TAFA4: variants seen among roughly 807,000 people sequenced by gnomAD.
The protein encoded by TAFA4 is chemokine-like protein TAFA-4.
TAFA4 carries 20 observed loss-of-function variants against 21.1 expected under a neutral mutation model. That is an observed-to-expected ratio of 0.95 (90% confidence interval 0.67 to 1.38). The LOEUF (loss-of-function observed/expected upper bound fraction) is 1.38. Ranked by LOEUF, TAFA4 falls within the 40% of genes most tolerant of loss-of-function variation. TAFA4 has a pLI of 0.00. For missense variants in TAFA4, 211 were observed against 180.9 expected, an observed-to-expected ratio of 1.17 and a Z score of -0.95; for synonymous variants, 71 against 67.4, an observed-to-expected ratio of 1.05 and a Z score of -0.26.
chr3:68,783,023 C>T (rs1703179794), intron 3 of TAFA4, among the ~76,000 whole-genome samples: 1 of 152,150 alleles, frequency 6.6e-6, no homozygotes, highest in Admixed American at 6.5e-5. Flanking sequence ...CAATGTAACT[C>T]ACCAATATGA....
intron 4 of TAFA4, among the ~76,000 whole-genome samples, chr3:68,744,083 A>C (rs1702407578): frequency 6.6e-6 from 1 of 152,234 alleles, no homozygotes; most frequent in Non-Finnish European, 1.5e-5. Flanking sequence ...GCTGAATTTA[A>C]AATACTTTGT....
intron 1 of TAFA4, among the ~76,000 whole-genome samples, chr3:68,930,943 G>A (rs1452537048): frequency 6.6e-6 from 1 of 152,178 alleles, no homozygotes; most frequent in African/African-American, 2.4e-5. Flanking sequence ...AGGCCTTCCT[G>A]AACTGGGCTC....
At chr3:68,812,868 A>G (rs576343676) in intron 3 of TAFA4, among the ~76,000 whole-genome samples, 2 of 151,448 alleles carry the variant, frequency 1.3e-5, no homozygotes, top group East Asian at 3.9e-4. Context: ...TCAACAGAAT[A>G]TACATTCTTT....
chr3:68,751,033 G>A lies in TAFA4; in HGVS notation c.286+1830C>T, dbSNP rs113602431. 4.9e-3 allele frequency among the ~76,000 whole-genome samples: 753 copies of A among 152,316 alleles called. 6 individuals carry two copies. Among genetic ancestry groups the A allele is most frequent in the African/African-American group, 0.017 (714 of 41,566 alleles). On this transcript the variant is annotated intron_variant, in intron 4 of 5. Coordinates refer to ENST00000295569, the MANE Select transcript of TAFA4 (RefSeq NM_182522.5). ...TCCAGGGTGTTGCAAGAACTTACAA[G>A]AGATTTGAAAGGAGAATAAGAAGAA...
intron 3 of TAFA4, among the ~76,000 whole-genome samples, chr3:68,805,885 A>G (rs1390980850): frequency 2.0e-5 from 3 of 152,178 alleles, no homozygotes; most frequent in Non-Finnish European, 4.4e-5. Flanking sequence ...CAGCATACCA[A>G]CATGGCACAT....
chr3:68,763,232 CT>C (rs1702788111), intron 3 of TAFA4, among the ~76,000 whole-genome samples: 1 of 152,110 alleles, frequency 6.6e-6, no homozygotes, highest in Non-Finnish European at 1.5e-5. Context: ...CTCTTGAATG[CT>C]TTTGTGAACA....
rs528365678 is a variant in TAFA4 at position 68,813,492 on chromosome 3, C to T, written c.131-60474G>A. Among the ~76,000 whole-genome samples the T allele has an allele frequency of 7.2e-5, 11 of 152,132 alleles. No individual in the cohort carries two copies. In the South Asian group the frequency reaches 1.2e-3, roughly 17 times the overall value. ...AAAAATGATAACAGGATACCACCAC[C>T]GATCCCACAGAAATACAAACTACCA... On this transcript the variant is annotated intron_variant, in intron 3 of 5. Transcript: ENST00000295569.
chr3:68,815,150 T>C (rs1281302183), intron 3 of TAFA4, among the ~76,000 whole-genome samples: 3 of 152,164 alleles, frequency 2.0e-5, no homozygotes, highest in East Asian at 3.8e-4. Flanking sequence ...TTACATCTTA[T>C]ATAAAAATTA....
intron 3 of TAFA4, among the ~76,000 whole-genome samples, chr3:68,853,286 T>C (rs1365184407): frequency 1.3e-5 from 2 of 152,208 alleles, no homozygotes; most frequent in Non-Finnish European, 2.9e-5. Context: ...CAAGTGTTAA[T>C]AGACATGAGT....
At chr3:68,788,867 T>C (rs545398047) in intron 3 of TAFA4, among the ~76,000 whole-genome samples, 7 of 152,224 alleles carry the variant, frequency 4.6e-5, no homozygotes, top group Non-Finnish European at 1.0e-4. Context: ...CAAGCTATCC[T>C]CCTACCCTGG....
intron 4 of TAFA4, among the ~76,000 whole-genome samples, chr3:68,744,492 T>A (rs1360800225): frequency 6.6e-6 from 1 of 152,118 alleles, no homozygotes; most frequent in Non-Finnish European, 1.5e-5. Flanking sequence ...GAAGAGCAAC[T>A]GAGGTGGGAG....
chr3:68,929,670 G>A lies in TAFA4; in HGVS notation c.-123+2570C>T, dbSNP rs13327288. On this transcript the variant is annotated intron_variant, in intron 1 of 5. Coordinates refer to ENST00000295569, the MANE Select transcript of TAFA4 (RefSeq NM_182522.5). ...AGCCAGAACACAGGGTGAAAAACTC[G>A]CAAAGAGGAAGAAAGCACAAGGGGG... Among the ~76,000 whole-genome samples, 19 of 152,280 alleles carry A rather than the reference G, an allele frequency of 1.2e-4. 1 individual carries two copies. The highest frequency in any genetic ancestry group is 3.9e-4 in the African/African-American group (16 of 41,540).
chr3:68,898,452 G>A (rs1393805257), intron 1 of TAFA4, among the ~76,000 whole-genome samples: 2 of 152,160 alleles, frequency 1.3e-5, no homozygotes, highest in African/African-American at 4.8e-5. Flanking sequence ...CAGGAGACCA[G>A]CCCGGCCAAC....
chr3:68,742,954 A>C (rs143402110), intron 4 of TAFA4, among the ~76,000 whole-genome samples: 1 of 152,314 alleles, frequency 6.6e-6, no homozygotes, highest in East Asian at 1.9e-4. Flanking sequence ...CAGTGCATTC[A>C]AACAGTTCCC....
At chr3:68,929,982 G>A (rs143430176) in intron 1 of TAFA4, among the ~76,000 whole-genome samples, 78 of 152,300 alleles carry the variant, frequency 5.1e-4, no homozygotes, top group East Asian at 4.1e-3. Flanking sequence ...AGTGAATGCA[G>A]TTTTAATATC....
At chr3:68,756,724 A>G (rs1702666364) in intron 3 of TAFA4, among the ~76,000 whole-genome samples, 1 of 152,222 alleles carries the variant, frequency 6.6e-6, no homozygotes, top group Admixed American at 6.5e-5. Context: ...GAAAGTTTTC[A>G]ATCTACTACT....
intron 1 of TAFA4, among the ~76,000 whole-genome samples, chr3:68,893,562 G>A (rs543582162): frequency 1.2e-4 from 18 of 152,216 alleles, no homozygotes; most frequent in African/African-American, 2.9e-4. Flanking sequence ...CAGTTTAACC[G>A]GATGACCTCC....
intron 3 of TAFA4, among the ~76,000 whole-genome samples, chr3:68,873,404 C>A (rs952721722): frequency 2.3e-5 from 3 of 131,770 alleles, no homozygotes; most frequent in African/African-American, 7.8e-5. Flanking sequence ...GCTGACCTAG[C>A]CATTCTGTGA....
chr3:68,869,956 A>G (rs1231108317), intron 3 of TAFA4, among the ~76,000 whole-genome samples: 1 of 152,134 alleles, frequency 6.6e-6, no homozygotes, highest in African/African-American at 2.4e-5. Context: ...ACATTTAGAA[A>G]AGCCTAAAGA....
Sources: allele counts gnomAD v4.1 joint callset (sites outside exome capture counted in the v4.1 genomes callset), GRCh38; gene constraint gnomAD v4.1.1; transcripts MANE v1.5; gene names NCBI Gene and HGNC (gene_info 2026-07-23, HGNC 2026-07-21).